The following CDK12 variants were observed in gnomAD, a reference collection of about 807,000 sequenced individuals.
CDK12 encodes cyclin dependent kinase 12.
In CDK12, 17 loss-of-function variants were observed where a neutral mutation model predicts 133.8. The observed-to-expected ratio is 0.13, with a 90% CI of 0.09 to 0.19. The LOEUF is 0.19. Ranked by LOEUF, CDK12 falls within the 10% of genes least tolerant of loss-of-function variation. The probability of loss-of-function intolerance (pLI) is 1.00; values close to 1 mark genes in which losing one functional copy is unlikely to be tolerated. For missense variants in CDK12, 1,508 were observed against 1,818.7 expected (o/e 0.83, Z 3.11); for synonymous variants, 694 against 683.6 (o/e 1.02, Z -0.24).
intron 2 of CDK12, among the ~76,000 whole-genome samples, chr17:39,481,677 TC>T (rs2050702250): frequency 6.0e-4 from 8 of 13,410 alleles, no homozygotes; most frequent in Non-Finnish European, 8.1e-4. Context: ...TCTCTCTCTC[TC>T]TCTCTCTCTC....
chr17:39,521,465 G>A (rs1185836107), intron 11 of CDK12, among the ~76,000 whole-genome samples: 3 of 152,082 alleles, frequency 2.0e-5, no homozygotes, highest in African/African-American at 4.8e-5. Flanking sequence ...GTTTCATCAC[G>A]TTGGCCGGGC....
Position 39,533,759 on chromosome 17 carries a change from A to G in CDK12, c.*2443A>G. 2 of 232,890 alleles carry G rather than the reference A, an allele frequency of 8.6e-6. No homozygotes were observed. Among genetic ancestry groups the G allele is most frequent in the Non-Finnish European group, 1.7e-5 (2 of 117,754 alleles). 14.4% of individuals were successfully genotyped at this position (232,890 alleles called of 1,614,324 possible). A position where few individuals can be genotyped will look rare whatever the true frequency, so the allele number is the denominator to read the frequency against. ...TTTGGGAGTCTTTTAAAATGAAAAC[A>G]AAGTTTGGTAGTTTTGACTATTTCT... On this transcript the variant is annotated 3_prime_UTR_variant, in exon 14 of 14. Coordinates refer to ENST00000447079, the MANE Select transcript of CDK12 (RefSeq NM_016507.4).
At chr17:39,510,521 C>T (rs908198654) in intron 7 of CDK12, among the ~76,000 whole-genome samples, 3 of 152,116 alleles carry the variant, frequency 2.0e-5, no homozygotes, top group African/African-American at 7.2e-5. Context: ...ACATTTTAGG[C>T]AGCAAATTTT....
intron 7 of CDK12, among the ~76,000 whole-genome samples, chr17:39,510,277 G>A (rs2053414475): frequency 6.6e-6 from 1 of 151,634 alleles, no homozygotes; most frequent in Admixed American, 6.6e-5. Flanking sequence ...CCGCCACTAC[G>A]CCCAGCTAAT....
At chr17:39,538,382 T>C (rs1401334674), downstream of CDK12, among the ~76,000 whole-genome samples, 1 of 152,186 alleles carries the variant, frequency 6.6e-6, no homozygotes, top group Non-Finnish European at 1.5e-5. Flanking sequence ...TCACAGAATG[T>C]TAGAGCTACA....
upstream of CDK12, among the ~76,000 whole-genome samples, chr17:39,548,418 G>A (rs955142370): frequency 6.6e-5 from 10 of 152,166 alleles, no homozygotes; most frequent in African/African-American, 1.9e-4. Flanking sequence ...TGTATGCCCC[G>A]TTGTCCCCCT....
At chr17:39,539,249 T>G (rs928354179), downstream of CDK12, among the ~76,000 whole-genome samples, 8 of 152,240 alleles carry the variant, frequency 5.3e-5, no homozygotes, top group Admixed American at 6.5e-5. Flanking sequence ...GAATGTGGGA[T>G]TAATTGTACA....
rs1452240517 is a variant in CDK12 at position 39,462,571 on chromosome 17, C to T, written c.500C>T (p.Ala167Val). 1.2e-6 allele frequency: 2 copies of T among 1,614,036 alleles called. No homozygotes were observed. Among genetic ancestry groups the T allele is most frequent in the Non-Finnish European group, 1.7e-6 (2 of 1,180,010 alleles). Reference protein sequence around the residue: ...ETDDYGKAQVAKSSSKESRSS... With the variant: ...ETDDYGKAQVVKSSSKESRSS... ...GATGACTATGGGAAGGCGCAGGTAG[C>T]CAAAAGCAGCAGCAAGGAATCCAGG... Residue 167 changes from alanine to valine, a missense_variant, in exon 1 of 14, where the codon GCC becomes GTC. By Grantham distance (64) the Ala-to-Val change is moderately conservative. This residue lies in a region of CDK12 where 460 missense variants were observed against 490.8 expected (regional missense o/e 0.94). Coordinates refer to ENST00000447079, the MANE Select transcript of CDK12 (RefSeq NM_016507.4).
exon 2 of CDK12, chr17:39,551,048 C>T (rs1257949939): frequency 2.0e-5 from 3 of 148,012 alleles, no homozygotes; most frequent in Admixed American, 2.0e-4. Context: ...ATGTGAAAAA[C>T]AAGACCCAGA....
chr17:39,510,175 A>G (rs549420722), intron 7 of CDK12, among the ~76,000 whole-genome samples: 1 of 137,384 alleles, frequency 7.3e-6, no homozygotes, highest in East Asian at 2.1e-4. Context: ...GCTGGAGTGC[A>G]GTGGCGTGAT....
At chr17:39,480,768 C>T (rs1392087086) in intron 2 of CDK12, among the ~76,000 whole-genome samples, 2 of 152,086 alleles carry the variant, frequency 1.3e-5, no homozygotes, top group African/African-American at 4.8e-5. Context: ...TAGGAGTGTA[C>T]TAGCTCAGGT....
intron 2 of CDK12, among the ~76,000 whole-genome samples, chr17:39,473,552 G>C (rs2145269800): frequency 6.6e-6 from 1 of 152,188 alleles, no homozygotes; most frequent in East Asian, 1.9e-4. Flanking sequence ...AGACCAGCCT[G>C]GCCAACACGA....
At chr17:39,474,326 C>G (rs2050023256) in intron 2 of CDK12, among the ~76,000 whole-genome samples, 1 of 152,056 alleles carries the variant, frequency 6.6e-6, no homozygotes, top group Non-Finnish European at 1.5e-5. Flanking sequence ...AATTTTATTT[C>G]ATTTTATTTT....
intron 5 of CDK12, among the ~76,000 whole-genome samples, chr17:39,500,346 A>G (rs1409807286): frequency 1.3e-5 from 2 of 151,732 alleles, no homozygotes; most frequent in African/African-American, 4.8e-5. Flanking sequence ...AAAAAAGAAG[A>G]AAAAGGCTGG....
intron 6 of CDK12, among the ~76,000 whole-genome samples, chr17:39,505,761 G>A (rs953735418): frequency 6.6e-6 from 1 of 152,140 alleles, no homozygotes; most frequent in Admixed American, 6.6e-5. Flanking sequence ...AGTGTTTGCA[G>A]TATATGCAAC....
chr17:39,462,305 T>C lies in CDK12; in HGVS notation c.234T>C (p.Ser78=), dbSNP rs150124402. The C allele has an allele frequency of 3.1e-6, 5 of 1,614,180 alleles. No homozygotes were observed. The highest frequency in any genetic ancestry group is 3.4e-6 in the Non-Finnish European group (4 of 1,180,040). The change falls in exon 1 of 14, where the codon TCT becomes TCC. Residue 78 remains serine (S), a synonymous_variant. Transcript: ENST00000447079. ...TGGTGGAGTATGATGATATCAGCTC[T>C]GATTCCGACACCTTCTCCGATGACA... ...KPLVEYDDIS[S]DSDTFSDDMA...
chr17:39,471,369 G>A lies in CDK12; in HGVS notation c.1537G>A (p.Val513Ile), dbSNP rs1429798683. Residue 513 changes from valine to isoleucine, a missense_variant, in exon 2 of 14, where the codon GTT (valine) becomes ATT (isoleucine). Coordinates refer to ENST00000447079, the MANE Select transcript of CDK12 (RefSeq NM_016507.4). ...SKPIALKEEI[V>I]TPKETETSEK... Reference sequence around the variant, plus strand: ...ACCCATAGCACTGAAAGAGGAGATTGTTACTCCAAAGGAGACAGAAACATC... The same window carrying A: ...ACCCATAGCACTGAAAGAGGAGATTATTACTCCAAAGGAGACAGAAACATC... 6.2e-7 allele frequency: 1 copy of A among 1,614,026 alleles called. No homozygotes were observed. Among genetic ancestry groups the A allele is most frequent in the Admixed American group, 1.7e-5 (1 of 59,962 alleles).
chr17:39,498,558 C>G (rs908429492), intron 5 of CDK12, among the ~76,000 whole-genome samples: 5 of 152,102 alleles, frequency 3.3e-5, no homozygotes, highest in Non-Finnish European at 5.9e-5. Context: ...TAGACAGAAT[C>G]TTGCTTTCTC....
chr17:39,530,641 C>G lies in CDK12; in HGVS notation c.3798C>G (p.Pro1266=). 2 of 1,608,572 alleles carry G rather than the reference C, an allele frequency of 1.2e-6. No homozygotes were observed. The highest frequency in any genetic ancestry group is 1.7e-6 in the Non-Finnish European group (2 of 1,176,228). Residue 1266 remains proline, a synonymous_variant, in exon 14 of 14, where the codon CCC becomes CCG. Transcript: ENST00000447079. ...ACATTCTTCCACCAGAGAAGAGGCC[C>G]CCTGAGCCCCCCGGACCTCCACCGC... The part of the protein sequence containing the change: ...PPHILPPEKR[P]PEPPGPPPPP...
Sources: gnomAD v4.1 joint callset for allele counts (sites outside exome capture counted in the v4.1 genomes callset) on GRCh38, gnomAD v4.1.1 for gene constraint, gnomAD v4.1.1 regional missense constraint, MANE v1.5 for transcripts, NCBI Gene and HGNC (gene_info 2026-07-23, HGNC 2026-07-21) for gene names.